Variants in CEP128 observed in about 807,000 individuals in gnomAD.
The protein encoded by CEP128 is centrosomal protein 128kDa.
Under a neutral mutation model 156.7 loss-of-function variants are expected in CEP128, and 132 were observed. That is an observed-to-expected ratio of 0.84 (90% CI 0.73 to 0.97). CEP128 has a LOEUF of 0.97. Ranked by LOEUF, CEP128 falls within the 50% of genes least tolerant of loss-of-function variation. CEP128 has a pLI of 0.00. For missense variants in CEP128, 1,252 were observed against 1,281.9 expected (o/e 0.98, Z 0.36); for synonymous variants, 469 against 448.9 (o/e 1.04, Z -0.57).
At chr14:80,867,298 G>GTTC (rs1459053010) in intron 8 of CEP128, among the ~76,000 whole-genome samples, 1 of 152,080 alleles carries the variant, frequency 6.6e-6, no homozygotes, top group East Asian at 1.9e-4. Context: ...GTGCCAAGAG[G>GTTC]GATGAAGTGA....
intron 21 of CEP128, among the ~76,000 whole-genome samples, chr14:80,558,535 G>A (rs899051838): frequency 4.2e-4 from 64 of 151,922 alleles, no homozygotes; most frequent in African/African-American, 1.5e-3. Context: ...TGATCCACCC[G>A]CCTCGGCCTC....
At chr14:80,781,216 G>A (rs972562061) in intron 15 of CEP128, among the ~76,000 whole-genome samples, 1 of 152,174 alleles carries the variant, frequency 6.6e-6, no homozygotes, top group African/African-American at 2.4e-5. Flanking sequence ...CCAGCACTTT[G>A]GGAGGCCAAG....
chr14:80,872,968 G>C (rs749511137), intron 8 of CEP128, among the ~76,000 whole-genome samples: 6 of 152,128 alleles, frequency 3.9e-5, no homozygotes, highest in Admixed American at 6.5e-5. Flanking sequence ...TAAGAAATTT[G>C]AGATGCCCTT....
At chr14:80,943,996 A>AC (rs927852301), upstream of CEP128, among the ~76,000 whole-genome samples, 8 of 150,514 alleles carry the variant, frequency 5.3e-5, no homozygotes, top group African/African-American at 1.9e-4. Context: ...TCCATCTCAA[A>AC]AAAAAAAAAA....
At chr14:80,629,720 T>C (rs1182312290) in intron 19 of CEP128, among the ~76,000 whole-genome samples, 1 of 152,048 alleles carries the variant, frequency 6.6e-6, no homozygotes, top group African/African-American at 2.4e-5. Flanking sequence ...TGATTTTAAT[T>C]GGTTTGAGGT....
At chr14:80,661,476 T>C (rs1895401194) in intron 19 of CEP128, among the ~76,000 whole-genome samples, 1 of 152,062 alleles carries the variant, frequency 6.6e-6, no homozygotes, top group South Asian at 2.1e-4. Flanking sequence ...CTGATTGCGA[T>C]AGAGCCTAAA....
At chr14:80,874,998 C>T (rs151314508) in intron 8 of CEP128, among the ~76,000 whole-genome samples, 26 of 152,194 alleles carry the variant, frequency 1.7e-4, no homozygotes, top group Non-Finnish European at 3.1e-4. Context: ...GAAAGAAAAC[C>T]GGAGAGAATG....
chr14:80,526,651 C>T (rs1383833566), intron 23 of CEP128: 7 of 376,344 alleles, frequency 1.9e-5, no homozygotes. Flanking sequence ...GCAGTGATGG[C>T]ACAGACTTAA....
intron 19 of CEP128, among the ~76,000 whole-genome samples, chr14:80,699,937 A>G (rs1897016120): frequency 6.6e-6 from 1 of 152,294 alleles, no homozygotes. Flanking sequence ...TATATCTTCA[A>G]GCAAAGAGCT....
At position 80,916,381 on chromosome 14, in the gene CEP128, G is replaced by T; in HGVS notation, c.147+20C>A. The T allele has an allele frequency of 1.3e-6, 2 of 1,594,378 alleles. No homozygotes were observed. Among genetic ancestry groups the T allele is most frequent in the Non-Finnish European group, 1.7e-6 (2 of 1,166,112 alleles). On this transcript the variant is annotated intron_variant, in intron 3 of 24. Transcript: ENST00000555265. ...TCAAACTATTTAAATTCTATTAAAT[G>T]CAACCATTGTTAAACTAACCTGTAA...
At chr14:80,613,486 T>A (rs1203836694) in intron 19 of CEP128, among the ~76,000 whole-genome samples, 2 of 150,102 alleles carry the variant, frequency 1.3e-5, no homozygotes, top group Admixed American at 1.3e-4. Flanking sequence ...TTTTTTTGTA[T>A]TTATGGTAGA....
chr14:80,710,852 C>A (rs28640160), intron 19 of CEP128, among the ~76,000 whole-genome samples: 1 of 151,994 alleles, frequency 6.6e-6, no homozygotes, highest in Admixed American at 6.6e-5. Context: ...AATTTCAAGA[C>A]CATAATATGA....
chr14:80,952,290 G>T (rs1886482566), intron 2 of CEP128, among the ~76,000 whole-genome samples: 1 of 151,662 alleles, frequency 6.6e-6, no homozygotes, highest in Non-Finnish European at 1.5e-5. Context: ...AAATTTAAAA[G>T]TGTTCAAGTT....
At chr14:80,797,054 G>A (rs181709392) in intron 13 of CEP128, among the ~76,000 whole-genome samples, 3 of 152,252 alleles carry the variant, frequency 2.0e-5, no homozygotes, top group Admixed American at 2.0e-4. Flanking sequence ...ATAACAAACA[G>A]AAATAAGGTT....
chr14:80,949,896 A>G (rs1450824927), intron 2 of CEP128, among the ~76,000 whole-genome samples: 5 of 152,158 alleles, frequency 3.3e-5, no homozygotes, highest in Non-Finnish European at 2.9e-5. Flanking sequence ...AAAAATATAT[A>G]TATATTCGAA....
At chr14:80,616,111 C>CA (rs1893201819) in intron 19 of CEP128, among the ~76,000 whole-genome samples, 1 of 152,192 alleles carries the variant, frequency 6.6e-6, no homozygotes. Flanking sequence ...TGTTCAATTT[C>CA]ACTCTTGCTG....
intron 21 of CEP128, among the ~76,000 whole-genome samples, chr14:80,543,427 C>T (rs184249339): frequency 2.0e-5 from 3 of 152,160 alleles, no homozygotes; most frequent in African/African-American, 7.2e-5. Flanking sequence ...AACAATTTAT[C>T]TAGACAGCTA....
At position 80,656,254 on chromosome 14, in the gene CEP128, T is replaced by C. The variant is rs1159626903; in HGVS notation, c.2807-75831A>G. 4.9e-5 allele frequency among the ~76,000 whole-genome samples: 6 copies of C among 121,884 alleles called. 1 individual carries two copies. The highest frequency in any genetic ancestry group is 3.3e-5 in the Non-Finnish European group (2 of 60,448). The allele number at this position is 121,884 out of a possible 152,430, so 80.0% of individuals were successfully genotyped here. A position where few individuals can be genotyped will look rare whatever the true frequency, so the allele number is the denominator to read the frequency against. On this transcript the variant is annotated intron_variant, in intron 19 of 24. Coordinates refer to ENST00000555265, the MANE Select transcript of CEP128 (RefSeq NM_152446.5). ...ATTGAAAGTGAAGGATCCTCAAGTA[T>C]TTCTCAATAAACCTAAGTTTTTATT...
chr14:80,595,039 G>A (rs1405051649), intron 19 of CEP128, among the ~76,000 whole-genome samples: 1 of 152,120 alleles, frequency 6.6e-6, no homozygotes, highest in Non-Finnish European at 1.5e-5. Context: ...GTTTATTGCA[G>A]CACTATTCAC....
Sources: allele counts gnomAD v4.1 joint callset (sites outside exome capture counted in the v4.1 genomes callset), GRCh38; gene constraint gnomAD v4.1.1; transcripts MANE v1.5; gene names NCBI Gene and HGNC (gene_info 2026-07-23, HGNC 2026-07-21).